PCDHA4: variants seen among roughly 807,000 people sequenced by gnomAD.
PCDHA4 encodes protocadherin alpha-4.
A neutral mutation model predicts 61.4 loss-of-function variants in PCDHA4; 49 were observed. That is an observed-to-expected ratio of 0.80 (90% CI 0.63 to 1.01). The LOEUF is 1.01. PCDHA4 is among the 50% of genes least tolerant of loss of function. The probability of loss-of-function intolerance (pLI) is 0.00; values close to 1 mark genes in which losing one functional copy is unlikely to be tolerated. For missense variants in PCDHA4, 1,254 were observed against 1,235.8 expected (o/e 1.01, Z -0.22); for synonymous variants, 590 against 550.3 (o/e 1.07, Z -1.01).
At chr5:140,835,526 C>T in intron 1 of PCDHA4, 1 of 1,613,946 alleles carries the variant, frequency 6.2e-7, no homozygotes. Context: ...ATTTTGGAGT[C>T]AACGGACAGG....
Position 140,838,280 on chromosome 5 carries a change from AT to A in PCDHA4, c.2385+28723del, listed in dbSNP as rs2150286950. On this transcript the variant is annotated intron_variant, in intron 1 of 3. Transcript: ENST00000530339. ...AGACGCCAACAACCAAGCCATGCTAATTTTTTTTTTTTTTTGTATTTTTAGT... is the reference window on the plus strand; with the variant it reads ...AGACGCCAACAACCAAGCCATGCTAATTTTTTTTTTTTTTGTATTTTTAGT... 8.7e-4 allele frequency among the ~76,000 whole-genome samples: 122 copies of A among 139,548 alleles called. 1 individual carries two copies. The highest frequency in any genetic ancestry group is 4.8e-3 in the South Asian group (21 of 4,398). The allele number at this position is 139,548 out of a possible 152,430, so 91.5% of individuals were successfully genotyped here. A position where few individuals can be genotyped will look rare whatever the true frequency, so the allele number is the denominator to read the frequency against.
intron 1 of PCDHA4, among the ~76,000 whole-genome samples, chr5:140,911,118 G>A (rs11955654): frequency 0.019 from 2,929 of 152,274 alleles, 39 homozygotes; most frequent in East Asian, 0.055. Flanking sequence ...AGCCATCACT[G>A]TTGCCTCAGG....
At chr5:140,868,633 C>T (rs1554162141) in intron 1 of PCDHA4, 1 of 154,552 alleles carries the variant, frequency 6.5e-6, no homozygotes, top group Non-Finnish European at 1.4e-5. Flanking sequence ...AATTCTCTTT[C>T]TCTCTCACTC....
At chr5:140,850,932 C>T in intron 1 of PCDHA4, 1 of 1,514,290 alleles carries the variant, frequency 6.6e-7, no homozygotes, top group Non-Finnish European at 8.9e-7. Flanking sequence ...AATTTTTTTT[C>T]TTGAAAGATA....
intron 1 of PCDHA4, chr5:140,851,015 G>A: frequency 2.1e-6 from 3 of 1,432,294 alleles, no homozygotes; most frequent in Non-Finnish European, 1.8e-6. Context: ...TTTTTTTTCT[G>A]ATAAAGTAAA....
At position 140,884,053 on chromosome 5, in the gene PCDHA4, C is replaced by A. The variant is rs782043806; in HGVS notation, c.2385+74481C>A. The stretch of plus-strand genomic sequence containing the variant: ...CAGGCCACGTGGTGGCGAAGGTGCG[C>A]GCGGTGGACGCCGATTCGGGCTACA... On this transcript the variant is annotated intron_variant, in intron 1 of 3. Transcript: ENST00000530339. 10 of 1,613,378 alleles carry A rather than the reference C, an allele frequency of 6.2e-6. No homozygotes were observed. The Admixed American group carries it at 1.2e-4, about 19-fold the overall frequency.
chr5:140,885,941 T>G (rs2060783691), intron 1 of PCDHA4, among the ~76,000 whole-genome samples: 1 of 152,196 alleles, frequency 6.6e-6, no homozygotes, highest in Non-Finnish European at 1.5e-5. Flanking sequence ...TTTTTTGACA[T>G]TTTTAATTAA....
intron 1 of PCDHA4, among the ~76,000 whole-genome samples, chr5:140,960,972 T>G (rs936519951): frequency 4.9e-4 from 75 of 152,306 alleles, no homozygotes; most frequent in Non-Finnish European, 2.2e-4. Flanking sequence ...GCAGTTGCAA[T>G]TCTTGTTCCA....
At chr5:140,980,507 G>A (rs1274816745) in intron 2 of PCDHA4, among the ~76,000 whole-genome samples, 1 of 152,136 alleles carries the variant, frequency 6.6e-6, no homozygotes, top group African/African-American at 2.4e-5. Flanking sequence ...GCATGTGCCT[G>A]TAGTTCCAGC....
intron 1 of PCDHA4, chr5:140,825,401 T>C (rs112444110): frequency 1.4e-5 from 2 of 144,590 alleles, no homozygotes; most frequent in Non-Finnish European, 3.0e-5. Context: ...TCTAATATAT[T>C]ATATATTTTA....
At chr5:140,850,654 T>G in intron 1 of PCDHA4, 1 of 1,598,638 alleles carries the variant, frequency 6.3e-7, no homozygotes, top group Non-Finnish European at 8.6e-7. Flanking sequence ...CTGTACACTG[T>G]GCTGCGGTGC....
chr5:140,966,259 G>A (rs1358322921), intron 1 of PCDHA4: 1 of 340,612 alleles, frequency 2.9e-6, no homozygotes, highest in Non-Finnish European at 5.3e-6. Context: ...AGACGGTGGA[G>A]ACTGGATGAA....
In PCDHA4 at chr5:140,828,621, A is replaced by G. The variant is rs2150157492; in HGVS notation, c.2385+19049A>G. Reference sequence around the variant, plus strand: ...ACCTATAAACTCAGTTCTAGCGAATACTTCGGGCTAGATGTGAAAATAAAC... The same window carrying G: ...ACCTATAAACTCAGTTCTAGCGAATGCTTCGGGCTAGATGTGAAAATAAAC... On this transcript the variant is annotated intron_variant, in intron 1 of 3. Transcript: ENST00000530339. 11 of 1,614,094 alleles carry G rather than the reference A, an allele frequency of 6.8e-6. No individual in the cohort carries two copies. The South Asian group carries it at 1.2e-4, about 18-fold the overall frequency.
chr5:140,884,285 G>A, intron 1 of PCDHA4: 1 of 1,613,598 alleles, frequency 6.2e-7, no homozygotes. Flanking sequence ...GGTGGAGAGC[G>A]GCCAAGCGCC....
intron 1 of PCDHA4, chr5:140,860,712 G>C (rs1200202390): frequency 5.3e-5 from 8 of 152,188 alleles, no homozygotes; most frequent in African/African-American, 1.9e-4. Flanking sequence ...TGTTCTCCAT[G>C]AAAAGTTTTT....
At chr5:141,003,941 G>A (rs532794918) in intron 3 of PCDHA4, among the ~76,000 whole-genome samples, 1 of 152,236 alleles carries the variant, frequency 6.6e-6, no homozygotes, top group African/African-American at 2.4e-5. Flanking sequence ...TTTGCCTGAG[G>A]GTGAGCTAGG....
chr5:140,871,561 T>C, intron 1 of PCDHA4: 1 of 1,485,946 alleles, frequency 6.7e-7, no homozygotes, highest in Non-Finnish European at 9.0e-7. Context: ...CAGTTTTTTT[T>C]CACGGATTTT....
chr5:140,905,963 G>A (rs182775194), intron 1 of PCDHA4, among the ~76,000 whole-genome samples: 9 of 152,308 alleles, frequency 5.9e-5, no homozygotes, highest in Admixed American at 5.9e-4. Flanking sequence ...TCAAGGGGAG[G>A]AAGATCCAGC....
intron 1 of PCDHA4, chr5:140,869,097 G>A (rs1344358126): frequency 2.5e-6 from 4 of 1,595,318 alleles, no homozygotes; most frequent in Non-Finnish European, 2.6e-6. Flanking sequence ...AGCCAATTTC[G>A]TATGCGATGT....
Sources: gnomAD v4.1 joint callset for allele counts (sites outside exome capture counted in the v4.1 genomes callset) on GRCh38, gnomAD v4.1.1 for gene constraint, MANE v1.5 for transcripts, NCBI Gene and HGNC (gene_info 2026-07-23, HGNC 2026-07-21) for gene names.